The following MAML1 variants were observed in gnomAD, a reference collection of about 807,000 sequenced individuals.
MAML1 encodes mastermind-like protein 1.
MAML1 carries 14 observed loss-of-function variants against 77.1 expected under a neutral mutation model. The observed-to-expected ratio is 0.18, with a 90% CI of 0.12 to 0.28. MAML1 has a LOEUF of 0.28. Among genes scored for constraint, MAML1 ranks in the 10% least tolerant of loss-of-function variants. MAML1 has a pLI of 1.00. For synonymous variants in MAML1, 516 were observed against 551.9 expected (o/e 0.93, Z 0.91); for missense variants, 1,217 against 1,327.8 (o/e 0.92, Z 1.30).
intron 4 of MAML1, 194 bp from the exon 5 acceptor site, chr5:179,773,701 G>T (rs1756056871): frequency 1.0e-6 from 1 of 979,004 alleles, no homozygotes; most frequent in Admixed American, 6.1e-5. Context: ...CCCTTCCTCT[G>T]TGCCTTTCTG....
intron 1 of MAML1, among the ~76,000 whole-genome samples, chr5:179,737,237 T>G (rs1323356605): frequency 1.3e-5 from 2 of 152,230 alleles, no homozygotes; most frequent in Non-Finnish European, 2.9e-5. Flanking sequence ...GAGTTTAAAC[T>G]CTACGGTGGA....
At chr5:179,750,389 G>C (rs1779463004) in intron 1 of MAML1, among the ~76,000 whole-genome samples, 1 of 139,904 alleles carries the variant, frequency 7.1e-6, no homozygotes, top group Admixed American at 6.9e-5. Context: ...AGGAGAGCCT[G>C]TGGTTTTGTT....
intron 2 of MAML1, among the ~76,000 whole-genome samples, chr5:179,767,413 G>A (rs1466973676): frequency 5.3e-5 from 8 of 152,290 alleles, no homozygotes; most frequent in Non-Finnish European, 5.9e-5. Context: ...ATGAGAGTGT[G>A]TAAATGAGCT....
chr5:179,744,573 G>A (rs1337001778), intron 1 of MAML1, among the ~76,000 whole-genome samples: 1 of 146,880 alleles, frequency 6.8e-6, no homozygotes, highest in Non-Finnish European at 1.5e-5. Flanking sequence ...GTCTCACTCT[G>A]TCTCCCAGAC....
At chr5:179,764,971 CAT>C (rs147334870) in intron 1 of MAML1, among the ~76,000 whole-genome samples, 11 of 139,284 alleles carry the variant, frequency 7.9e-5, no homozygotes, top group South Asian at 2.4e-4. Context: ...CATCTCAAAA[CAT>C]ATATATATAT....
chr5:179,744,156 C>G (rs548675298), intron 1 of MAML1, among the ~76,000 whole-genome samples: 2 of 152,190 alleles, frequency 1.3e-5, no homozygotes, highest in Non-Finnish European at 2.9e-5. Context: ...TAGCACATTT[C>G]TTTGCAACAA....
At chr5:179,752,851 G>T (rs1251077613) in intron 1 of MAML1, among the ~76,000 whole-genome samples, 1 of 151,972 alleles carries the variant, frequency 6.6e-6, no homozygotes, top group Non-Finnish European at 1.5e-5. Context: ...TCGGCTCACC[G>T]CAACCACCAT....
rs573209664 is a variant in MAML1, at chr5:179,733,403, C to T, written c.291C>T (p.Gly97=). Residue 97 remains glycine, a synonymous_variant, in exon 1 of 5, where the codon GGC becomes GGT. Transcript: ENST00000292599. ...CCCCGCGCCTGGACGCCGCTGACGG[C>T]CCCGAGCACGGCCGCCCGGCCACGG... ...APAPRLDAAD[G]PEHGRPATHL... The T allele has an allele frequency of 5.3e-6, 6 of 1,141,674 alleles. No homozygotes were observed. The East Asian group carries it at 2.9e-4, about 54-fold the overall frequency. 70.7% of individuals were successfully genotyped at this position (1,141,674 alleles called of 1,614,324 possible).
chr5:179,773,135 G>T (rs1048720891), intron 4 of MAML1, among the ~76,000 whole-genome samples: 1 of 152,122 alleles, frequency 6.6e-6, no homozygotes, highest in Admixed American at 6.5e-5. Context: ...CGCCCGCCTC[G>T]GTCTCCCAAA....
At position 179,771,057 on chromosome 5, in the gene MAML1, A is replaced by G; in HGVS notation, c.1972-90A>G. 2 of 925,038 alleles carry G rather than the reference A, an allele frequency of 2.2e-6. No homozygotes were observed. The highest frequency in any genetic ancestry group is 3.6e-6 in the Non-Finnish European group (2 of 562,522). The allele number at this position is 925,038 out of a possible 1,614,324, so 57.3% of individuals were successfully genotyped here. On this transcript the variant is annotated intron_variant, in intron 3 of 4. Transcript: ENST00000292599. The surrounding 1 kb of genome is among the most constrained non-coding windows in gnomAD (Gnocchi z 4.7). Reference sequence around the variant, plus strand: ...GCCCATTTGTGAGTAACAAACTTGGATAAGTTACTTTTCTCTGACCTCCCT... The same window carrying G: ...GCCCATTTGTGAGTAACAAACTTGGGTAAGTTACTTTTCTCTGACCTCCCT...
chr5:179,768,120 A>C (rs1031334802), intron 2 of MAML1, among the ~76,000 whole-genome samples: 2 of 152,242 alleles, frequency 1.3e-5, no homozygotes, highest in South Asian at 4.1e-4. Context: ...GTTTATGCAC[A>C]TGGGACAGAG....
chr5:179,768,349 C>T lies in MAML1; in HGVS notation c.1732-501C>T, dbSNP rs570992769. ...GCACATGCCTCTAATCCCAGCTACTCAGGAGGCTGAGGCAGGGGAATCGCT... is the reference window on the plus strand; with the variant it reads ...GCACATGCCTCTAATCCCAGCTACTTAGGAGGCTGAGGCAGGGGAATCGCT... On this transcript the variant is annotated intron_variant, in intron 2 of 4. Transcript: ENST00000292599. 5.6e-4 allele frequency among the ~76,000 whole-genome samples: 85 copies of T among 152,342 alleles called. 1 individual carries two copies. Among genetic ancestry groups the T allele is most frequent in the African/African-American group, 1.9e-3 (78 of 41,576 alleles).
intron 1 of MAML1, among the ~76,000 whole-genome samples, chr5:179,763,116 G>C (rs1231676952): frequency 6.6e-6 from 1 of 152,120 alleles, no homozygotes; most frequent in African/African-American, 2.4e-5. Flanking sequence ...GGAAAACTGA[G>C]CTCCCAGGTT....
chr5:179,761,444 C>A (rs546133061), intron 1 of MAML1, among the ~76,000 whole-genome samples: 1 of 152,192 alleles, frequency 6.6e-6, no homozygotes, highest in African/African-American at 2.4e-5. Context: ...CACCTGTAAT[C>A]CCAGCACTTT....
rs1779086575 is a variant in MAML1 at position 179,732,830 on chromosome 5, CGAAAACAATTTTAA to C, written c.-280_-267del. ...AGGCCCCGCCTTCTTCCGAGAGGCC[CGAAAACAATTTTAA>C]GATGGCGGCCGCGGCGGTAGCGCGG... On this transcript the variant is annotated 5_prime_UTR_variant, in exon 1 of 5. It adds an upstream start codon to the 5' untranslated region. Transcript: ENST00000292599. 1 of 208,414 alleles carries C rather than the reference CGAAAACAATTTTAA, an allele frequency of 4.8e-6. No individual in the cohort carries two copies. The highest frequency in any genetic ancestry group is 9.5e-6 in the Non-Finnish European group (1 of 105,236). The allele number at this position is 208,414 out of a possible 1,614,324, so 12.9% of individuals were successfully genotyped here. A position where few individuals can be genotyped will look rare whatever the true frequency, so the allele number is the denominator to read the frequency against.
At chr5:179,734,392 T>C (rs1393424807) in intron 1 of MAML1, among the ~76,000 whole-genome samples, 1 of 152,216 alleles carries the variant, frequency 6.6e-6, no homozygotes, top group Non-Finnish European at 1.5e-5. Context: ...CTTGAAAGGA[T>C]GAAGTTCAAA....
At chr5:179,768,696 G>T (rs1376956692) in intron 2 of MAML1, among the ~76,000 whole-genome samples, 154 bp from the exon 3 acceptor site, 1 of 152,192 alleles carries the variant, frequency 6.6e-6, no homozygotes, top group Non-Finnish European at 1.5e-5. Context: ...ATCACTTTTG[G>T]TCTGTGCTCC....
intron 1 of MAML1, among the ~76,000 whole-genome samples, chr5:179,753,736 C>A (rs1371675224): frequency 6.9e-6 from 1 of 144,660 alleles, no homozygotes; most frequent in East Asian, 2.0e-4. Flanking sequence ...GATACTGGCT[C>A]ACTGCAACCT....
Position 179,771,298 on chromosome 5 carries a change from GTTGAATC to G in MAML1, c.2068+56_2068+62del. 6 of 1,455,600 alleles carry G rather than the reference GTTGAATC, an allele frequency of 4.1e-6. No individual in the cohort carries two copies. Among genetic ancestry groups the G allele is most frequent in the Non-Finnish European group, 5.8e-6 (6 of 1,036,312 alleles). 90.2% of individuals were successfully genotyped at this position (1,455,600 alleles called of 1,614,324 possible). On this transcript the variant is annotated intron_variant, in intron 4 of 4. Transcript: ENST00000292599. The surrounding 1 kb of genome is among the most constrained non-coding windows in gnomAD (Gnocchi z 4.7). Reference sequence around the variant, plus strand: ...CAGGGGAGGCCGCTGCCTGGTGCTGGTTGAATCCCTGCTGTCTGCCCAGCTCTATGCC... The same window carrying G: ...CAGGGGAGGCCGCTGCCTGGTGCTGGCCTGCTGTCTGCCCAGCTCTATGCC...
Sources: allele counts gnomAD v4.1 joint callset (sites outside exome capture counted in the v4.1 genomes callset), GRCh38; gene constraint gnomAD v4.1.1; non-coding constraint Gnocchi (gnomAD v3.1); transcripts MANE v1.5; gene names NCBI Gene and HGNC (gene_info 2026-07-23, HGNC 2026-07-21).